The following GLIS3 variants were observed in gnomAD, a reference collection of about 807,000 sequenced individuals.
The protein encoded by GLIS3 is zinc finger protein GLIS3.
Under a neutral mutation model 78.6 loss-of-function variants are expected in GLIS3, and 53 were observed. The observed-to-expected ratio is 0.67, with a 90% confidence interval of 0.54 to 0.85. GLIS3 has a LOEUF of 0.85. GLIS3 is among the 40% of genes least tolerant of loss of function. The pLI, the probability that GLIS3 is intolerant of heterozygous loss-of-function variation, is 0.00. For synonymous variants in GLIS3, 684 were observed against 509.9 expected (o/e 1.34, Z -4.60); for missense variants, 1,703 against 1,231.1 (o/e 1.38, Z -5.74).
Position 3,953,003 on chromosome 9 carries a change from A to G in GLIS3, c.1711-15814T>C, listed in dbSNP as rs139718576. On this transcript the variant is annotated intron_variant, in intron 4 of 10. Transcript: ENST00000381971. Reference sequence around the variant, plus strand: ...ATCATATTGTGATTGCTACCTAGGTAAGTTCCTGGTTCAGATATTAATAAA... The same window carrying G: ...ATCATATTGTGATTGCTACCTAGGTGAGTTCCTGGTTCAGATATTAATAAA... Among the ~76,000 whole-genome samples the G allele has an allele frequency of 4.0e-3, 615 of 152,300 alleles. 5 individuals carry two copies. The highest frequency in any genetic ancestry group is 0.014 in the African/African-American group (595 of 41,564).
At chr9:4,243,716 T>C (rs1823542912) in intron 2 of GLIS3, among the ~76,000 whole-genome samples, 1 of 152,204 alleles carries the variant, frequency 6.6e-6, no homozygotes, top group South Asian at 2.1e-4. Flanking sequence ...CTGGCAGTTT[T>C]CTTAAAATAG....
intron 2 of GLIS3, among the ~76,000 whole-genome samples, chr9:4,141,218 G>T (rs139651594): frequency 6.6e-6 from 1 of 152,166 alleles, no homozygotes; most frequent in Non-Finnish European, 1.5e-5. Flanking sequence ...GGAGACAGAA[G>T]GAGAGAGAGA....
At chr9:4,456,383 T>C in the GLIS3 span, among the ~76,000 whole-genome samples, 1 of 152,200 alleles carries the variant, frequency 6.6e-6, no homozygotes, top group Non-Finnish European at 1.5e-5. Context: ...GTGGATGGTC[T>C]CTTCCTTTCA....
Position 4,286,053 on chromosome 9 carries a change from G to C in GLIS3, c.373C>G (p.Pro125Ala). Residue 125 changes from proline (P) to alanine (A), a missense_variant, in exon 2 of 11, where the codon CCA becomes GCA. Physicochemically the swap from Pro to Ala is conservative, Grantham distance 27. Transcript: ENST00000381971. Reference sequence around the variant, plus strand: ...ACAATCCTACCTTTCCCAGGATTTGGAGGAAAAGGGCTTCCAAACTCCTGC... The same window carrying C: ...ACAATCCTACCTTTCCCAGGATTTGCAGGAAAAGGGCTTCCAAACTCCTGC... The part of the protein sequence containing the change: ...KQQEFGSPFP[P>A]NPGKGALGFG... 8 of 1,613,868 alleles carry C rather than the reference G, an allele frequency of 5.0e-6. No homozygotes were observed. Among genetic ancestry groups the C allele is most frequent in the Non-Finnish European group, 6.8e-6 (8 of 1,179,904 alleles).
chr9:4,426,363 C>A, the GLIS3 span, among the ~76,000 whole-genome samples: 4 of 152,216 alleles, frequency 2.6e-5, no homozygotes, highest in South Asian at 6.2e-4. Flanking sequence ...TAAGTCCCAA[C>A]CAACTCTTCT....
At chr9:3,846,127 C>G (rs1195981017) in intron 9 of GLIS3, among the ~76,000 whole-genome samples, 1 of 152,170 alleles carries the variant, frequency 6.6e-6, no homozygotes, top group Non-Finnish European at 1.5e-5. Flanking sequence ...TGGGAAATGA[C>G]TTCATCTTGC....
chr9:4,265,151 A>G (rs13290535), intron 2 of GLIS3, among the ~76,000 whole-genome samples: 32,585 of 148,426 alleles, frequency 0.22, 4,016 homozygotes, highest in South Asian at 0.44. Context: ...CAAACTGGGC[A>G]ACAGAGTGAG....
chr9:4,126,444 T>TC (rs1349663911), intron 2 of GLIS3, among the ~76,000 whole-genome samples: 1 of 152,122 alleles, frequency 6.6e-6, no homozygotes, highest in African/African-American at 2.4e-5. Flanking sequence ...ATTTTTTTTC[T>TC]CCTCATCTCA....
intron 9 of GLIS3, among the ~76,000 whole-genome samples, chr9:3,835,219 G>C (rs1483163464): frequency 6.6e-6 from 1 of 152,190 alleles, no homozygotes; most frequent in Admixed American, 6.5e-5. Flanking sequence ...TAGGAAAAGT[G>C]CTACATGGAC....
chr9:4,036,307 T>G (rs556426798), intron 4 of GLIS3, among the ~76,000 whole-genome samples: 1 of 152,312 alleles, frequency 6.6e-6, no homozygotes, highest in South Asian at 2.1e-4. Context: ...CCTACTCTAA[T>G]TTCAATCCTC....
At chr9:4,473,530 T>G in the GLIS3 span, among the ~76,000 whole-genome samples, 1 of 150,986 alleles carries the variant, frequency 6.6e-6, no homozygotes, top group Admixed American at 6.6e-5. Context: ...CTTAGCAAAC[T>G]ACTGCAGGAA....
chr9:3,849,787 T>C (rs1206191969), intron 9 of GLIS3, among the ~76,000 whole-genome samples: 1 of 152,100 alleles, frequency 6.6e-6, no homozygotes, highest in Non-Finnish European at 1.5e-5. Context: ...TATGTGTCTA[T>C]AGTCCCAGCT....
intron 4 of GLIS3, among the ~76,000 whole-genome samples, chr9:4,060,257 C>A (rs1373777905): frequency 6.6e-6 from 1 of 152,128 alleles, no homozygotes; most frequent in Non-Finnish European, 1.5e-5. Flanking sequence ...ACTAAACCTC[C>A]CATTTCTGTC....
the GLIS3 span, among the ~76,000 whole-genome samples, chr9:4,445,619 G>A: frequency 6.6e-6 from 1 of 152,154 alleles, no homozygotes; most frequent in Admixed American, 6.5e-5. Flanking sequence ...GGGTGACAGA[G>A]CAAGACTCTA....
At chr9:3,897,904 A>G (rs1822978541) in intron 7 of GLIS3, among the ~76,000 whole-genome samples, 1 of 152,214 alleles carries the variant, frequency 6.6e-6, no homozygotes, top group South Asian at 2.1e-4. Context: ...AACCCACAGA[A>G]AATAGAAAAT....
chr9:4,207,935 C>T (rs1006734370), intron 2 of GLIS3, among the ~76,000 whole-genome samples: 5 of 152,302 alleles, frequency 3.3e-5, no homozygotes, highest in African/African-American at 1.2e-4. Context: ...TTCAGCTGCC[C>T]CAAAAATGCT....
intron 9 of GLIS3, among the ~76,000 whole-genome samples, chr9:3,854,081 C>A (rs1343285829): frequency 6.6e-6 from 1 of 152,134 alleles, no homozygotes; most frequent in Non-Finnish European, 1.5e-5. Context: ...TTCACATAGC[C>A]CACACTCAGG....
At chr9:3,955,800 A>G (rs1472207264) in intron 4 of GLIS3, among the ~76,000 whole-genome samples, 1 of 152,178 alleles carries the variant, frequency 6.6e-6, no homozygotes, top group South Asian at 2.1e-4. Context: ...ATAATACACA[A>G]AGCTCTTCAG....
the GLIS3 span, among the ~76,000 whole-genome samples, chr9:4,488,640 C>T: frequency 6.6e-6 from 1 of 152,076 alleles, no homozygotes; most frequent in South Asian, 2.1e-4. Context: ...CTGTCTCAGC[C>T]TCCCGAATAG....
Sources: allele counts gnomAD v4.1 joint callset (sites outside exome capture counted in the v4.1 genomes callset), GRCh38; gene constraint gnomAD v4.1.1; transcripts MANE v1.5; gene names NCBI Gene and HGNC (gene_info 2026-07-23, HGNC 2026-07-21).